ASB4: variants seen among roughly 807,000 people sequenced by gnomAD.
ASB4 encodes ankyrin repeat and SOCS box containing 4.
A neutral mutation model predicts 38.6 loss-of-function variants in ASB4; 35 were observed. The observed-to-expected ratio is 0.91, with a 90% CI of 0.69 to 1.20. ASB4 has a LOEUF of 1.20. Ranked by LOEUF, ASB4 falls within the 50% of genes most tolerant of loss-of-function variation. The pLI is 0.00. For synonymous variants in ASB4, 195 were observed against 201.3 expected (o/e 0.97, Z 0.26); for missense variants, 557 against 527.2 (o/e 1.06, Z -0.55).
chr7:95,505,028 G>A (rs998042645), intron 2 of ASB4, among the ~76,000 whole-genome samples: 1 of 152,198 alleles, frequency 6.6e-6, no homozygotes, highest in Admixed American at 6.5e-5. Context: ...TGAAATTGTA[G>A]AAGCATCTCT....
chr7:95,541,734 G>A (rs1261765225), downstream of ASB4, among the ~76,000 whole-genome samples: 2 of 152,146 alleles, frequency 1.3e-5, no homozygotes, highest in Non-Finnish European at 2.9e-5. Flanking sequence ...TATCATATAC[G>A]GAGCTGATTT....
At chr7:95,495,645 C>A in intron 1 of ASB4, 113 bp from the exon 2 acceptor site, 2 of 1,083,846 alleles carry the variant, frequency 1.8e-6, no homozygotes, top group Non-Finnish European at 2.6e-6. Context: ...CCTCTCCACC[C>A]CACTTTTATA....
chr7:95,490,822 G>T (rs191205949), intron 1 of ASB4, among the ~76,000 whole-genome samples: 2 of 152,370 alleles, frequency 1.3e-5, no homozygotes, highest in East Asian at 3.9e-4. Flanking sequence ...ACGCGCACGC[G>T]TGCACACACA....
chr7:95,511,622 A>G (rs576576518), intron 2 of ASB4, among the ~76,000 whole-genome samples: 4 of 151,766 alleles, frequency 2.6e-5, no homozygotes, highest in South Asian at 4.2e-4. Context: ...AGATTGCGCC[A>G]TTGCACTCCA....
chr7:95,480,696 T>C lies in ASB4; in HGVS notation n.157+2096T>C, dbSNP rs532261636. Among the ~76,000 whole-genome samples the C allele has an allele frequency of 3.9e-5, 6 of 152,328 alleles. No homozygotes were observed. The South Asian group carries it at 1.2e-3, about 32-fold the overall frequency. On this transcript the variant is annotated intron_variant and non_coding_transcript_variant, in intron 1 of 1. Coordinates refer to the ASB4 transcript ENST00000257621. ...GGGATTGTCTAACCCCCGACCTTTG[T>C]GTCTTTAGTTTGAGGCCACAGACAT...
At chr7:95,531,402 A>G (rs1177865261) in intron 3 of ASB4, among the ~76,000 whole-genome samples, 1 of 152,202 alleles carries the variant, frequency 6.6e-6, no homozygotes, top group African/African-American at 2.4e-5. Context: ...CTTTCCCTCC[A>G]GCGAAAAGGA....
intron 1 of ASB4, among the ~76,000 whole-genome samples, chr7:95,490,714 G>C (rs1790158869): frequency 6.6e-6 from 1 of 152,236 alleles, no homozygotes; most frequent in Non-Finnish European, 1.5e-5. Context: ...TCTTCCAAAA[G>C]AAGGCCCAAA....
chr7:95,525,898 C>T (rs576105374), intron 2 of ASB4, among the ~76,000 whole-genome samples: 14 of 152,270 alleles, frequency 9.2e-5, no homozygotes, highest in African/African-American at 3.1e-4. Flanking sequence ...CTCTTGGGTA[C>T]CTTCCTTGGG....
At chr7:95,501,718 T>G (rs1790340408) in intron 2 of ASB4, among the ~76,000 whole-genome samples, 1 of 152,184 alleles carries the variant, frequency 6.6e-6, no homozygotes, top group African/African-American at 2.4e-5. Flanking sequence ...CCTAGAGGTG[T>G]CACCTTTCCC....
At position 95,503,401 on chromosome 7, in the gene ASB4, G is replaced by C. The variant is rs186968879; in HGVS notation, c.487+7344G>C. On this transcript the variant is annotated intron_variant, in intron 2 of 4. Transcript: ENST00000325885. Reference sequence around the variant, plus strand: ...TTTATGCCTCAGCTTCTTGGACAGCGCTTGGCACATAGAAAGTGCTCAATA... The same window carrying C: ...TTTATGCCTCAGCTTCTTGGACAGCCCTTGGCACATAGAAAGTGCTCAATA... Among the ~76,000 whole-genome samples, 510 of 152,230 alleles carry C rather than the reference G, an allele frequency of 3.4e-3. 10 individuals carry two copies. Among genetic ancestry groups the C allele is most frequent in the Non-Finnish European group, 9.0e-4 (61 of 68,016 alleles).
At position 95,528,185 on chromosome 7, in the gene ASB4, C is replaced by G. The variant is rs780248904; in HGVS notation, c.860C>G (p.Ala287Gly). ...AATCTCATGGATATCAACGGCTGTGCTGCCATCCAGTACGTGCTGAAGGTC... is the reference window on the plus strand; with the variant it reads ...AATCTCATGGATATCAACGGCTGTGGTGCCATCCAGTACGTGCTGAAGGTC... ...EANLMDINGC[A>G]AIQYVLKVTS... Residue 287 changes from alanine (A) to glycine (G), a missense_variant, in exon 3 of 5, where the codon GCT becomes GGT. Coordinates refer to ENST00000325885, the MANE Select transcript of ASB4 (RefSeq NM_016116.3). The G allele has an allele frequency of 4.3e-5, 69 of 1,614,110 alleles. No homozygotes were observed. In the Admixed American group the frequency reaches 1.1e-3, roughly 27 times the overall value.
At chr7:95,480,841 GAT>G (rs1790016512) in intron 1 of ASB4, among the ~76,000 whole-genome samples, 1 of 152,202 alleles carries the variant, frequency 6.6e-6, no homozygotes, top group South Asian at 2.1e-4. Flanking sequence ...TGCAGCAAAA[GAT>G]AACTAATACA....
At chr7:95,518,435 G>T (rs148500378) in intron 2 of ASB4, among the ~76,000 whole-genome samples, 2 of 152,344 alleles carry the variant, frequency 1.3e-5, no homozygotes, top group East Asian at 3.9e-4. Context: ...CAAATGGAGG[G>T]CCTTGATTCT....
In ASB4 at chr7:95,499,444, G is replaced by C. The variant is rs570140580; in HGVS notation, c.487+3387G>C. 2.0e-5 allele frequency among the ~76,000 whole-genome samples: 3 copies of C among 152,176 alleles called. No homozygotes were observed. In the East Asian group the frequency reaches 5.8e-4, roughly 29 times the overall value. ...CACAAGGACAAAGAAAGAGGTAGTA[G>C]GTTCCAGAAGCAGAGAGTGGCCAGC... On this transcript the variant is annotated intron_variant, in intron 2 of 4. Coordinates refer to ENST00000325885, the MANE Select transcript of ASB4 (RefSeq NM_016116.3).
At chr7:95,518,536 C>T (rs532989465) in intron 2 of ASB4, among the ~76,000 whole-genome samples, 63 of 152,284 alleles carry the variant, frequency 4.1e-4, no homozygotes, top group African/African-American at 1.3e-3. Context: ...GTCTTTACAA[C>T]AGCATAATTA....
chr7:95,502,716 G>A (rs1180346579), intron 2 of ASB4, among the ~76,000 whole-genome samples: 1 of 152,114 alleles, frequency 6.6e-6, no homozygotes, highest in Non-Finnish European at 1.5e-5. Context: ...TGCAGTTAGA[G>A]TATATTTTAC....
At chr7:95,500,174 C>T (rs1305918086) in intron 2 of ASB4, among the ~76,000 whole-genome samples, 1 of 151,856 alleles carries the variant, frequency 6.6e-6, no homozygotes, top group African/African-American at 2.4e-5. Context: ...AAAGCATAGA[C>T]ATTTTCATAA....
chr7:95,544,487 T>G (rs928536373), downstream of ASB4: 3 of 152,232 alleles, frequency 2.0e-5, no homozygotes, highest in Non-Finnish European at 2.9e-5. Context: ...GAAAACTGTT[T>G]ACTCCAACTA....
chr7:95,481,027 G>A (rs182189008), upstream of ASB4, among the ~76,000 whole-genome samples: 565 of 152,246 alleles, frequency 3.7e-3, 3 homozygotes, highest in Middle Eastern at 0.014. Context: ...TCAAGATCTA[G>A]GCTTGAGTGT....
Sources: gnomAD v4.1 joint callset for allele counts (sites outside exome capture counted in the v4.1 genomes callset) on GRCh38, gnomAD v4.1.1 for gene constraint, MANE v1.5 for transcripts, NCBI Gene and HGNC (gene_info 2026-07-23, HGNC 2026-07-21) for gene names.